Variants in OCIAD1 observed in about 807,000 individuals in gnomAD.
The protein encoded by OCIAD1 is OCIA domain containing 1.
A neutral mutation model predicts 38.9 loss-of-function variants in OCIAD1; 29 were observed. The ratio of observed to expected loss-of-function variants is 0.74; its 90% confidence interval spans 0.55 to 1.02. The LOEUF is 1.02. Among genes scored for constraint, OCIAD1 ranks in the 50% least tolerant of loss-of-function variants. OCIAD1 has a pLI of 0.00. For synonymous variants in OCIAD1, 110 were observed against 92.0 expected (o/e 1.20, Z -1.12); for missense variants, 288 against 289.6 (o/e 0.99, Z 0.04).
chr4:48,838,878 A>C (rs1453662273), intron 3 of OCIAD1, among the ~76,000 whole-genome samples: 1 of 152,210 alleles, frequency 6.6e-6, no homozygotes, highest in Non-Finnish European at 1.5e-5. Flanking sequence ...AATCTGAAAT[A>C]TAACTATGAA....
chr4:48,838,779 T>G (rs1778246849), intron 3 of OCIAD1, among the ~76,000 whole-genome samples: 2 of 152,236 alleles, frequency 1.3e-5, no homozygotes, highest in East Asian at 3.8e-4. Context: ...GTTAAAATAC[T>G]TATCCTCTTC....
chr4:48,835,916 A>G (rs2109525889), intron 3 of OCIAD1, among the ~76,000 whole-genome samples: 1 of 152,344 alleles, frequency 6.6e-6, no homozygotes, highest in Middle Eastern at 3.4e-3. Flanking sequence ...GGAGTAGTGA[A>G]CAAAGGCAGA....
intron 1 of OCIAD1, among the ~76,000 whole-genome samples, chr4:48,816,188 G>A (rs1272837073): frequency 6.6e-6 from 1 of 152,046 alleles, no homozygotes; most frequent in Middle Eastern, 3.2e-3. Flanking sequence ...CTCTCTCTCT[G>A]TTTAGACATT....
At chr4:48,820,937 C>G (rs1408063257) in intron 1 of OCIAD1, among the ~76,000 whole-genome samples, 5 of 152,084 alleles carry the variant, frequency 3.3e-5, no homozygotes, top group Admixed American at 2.6e-4. Flanking sequence ...AAGCCCAGGA[C>G]CAGACGAATT....
At chr4:48,818,500 A>G (rs532143472) in intron 1 of OCIAD1, among the ~76,000 whole-genome samples, 4 of 152,308 alleles carry the variant, frequency 2.6e-5, no homozygotes, top group African/African-American at 9.6e-5. Context: ...AATTCCAAAA[A>G]CCAGAAGGCC....
intron 1 of OCIAD1, among the ~76,000 whole-genome samples, chr4:48,811,529 A>T (rs1027899368): frequency 2.0e-5 from 3 of 152,204 alleles, no homozygotes; most frequent in African/African-American, 7.2e-5. Context: ...GGCTCTATGT[A>T]ATTGCTCTCA....
chr4:48,842,579 C>T, intron 3 of OCIAD1, 57 bp from the exon 4 acceptor site: 4 of 1,140,874 alleles, frequency 3.5e-6, no homozygotes, highest in Non-Finnish European at 5.2e-6. Context: ...ATCTAATGAA[C>T]TTTAGACAAA....
intron 4 of OCIAD1, among the ~76,000 whole-genome samples, chr4:48,843,724 A>ACAT (rs1778734748): frequency 6.6e-6 from 1 of 152,182 alleles, no homozygotes; most frequent in South Asian, 2.1e-4. Context: ...AACAACAACA[A>ACAT]CAACAAAACA....
At chr4:48,819,386 C>T (rs569055685) in intron 1 of OCIAD1, among the ~76,000 whole-genome samples, 1 of 152,246 alleles carries the variant, frequency 6.6e-6, no homozygotes, top group East Asian at 1.9e-4. Context: ...CTTACAAGAG[C>T]TCCTGAAGGA....
intron 1 of OCIAD1, among the ~76,000 whole-genome samples, chr4:48,821,094 CA>C (rs1183329062): frequency 6.6e-6 from 1 of 152,052 alleles, no homozygotes; most frequent in African/African-American, 2.4e-5. Flanking sequence ...AGAGACACAA[CA>C]AAAAAAGAAA....
chr4:48,839,281 C>CA (rs1438575087), intron 3 of OCIAD1, among the ~76,000 whole-genome samples: 1 of 151,982 alleles, frequency 6.6e-6, no homozygotes, highest in Non-Finnish European at 1.5e-5. Flanking sequence ...ACTAAAAATA[C>CA]AAAAATTAGC....
At chr4:48,831,444 G>A (rs1777481370) in intron 1 of OCIAD1, 195 bp downstream of exon 1, 2 of 1,253,292 alleles carry the variant, frequency 1.6e-6, no homozygotes. Context: ...GTGAGCTGGG[G>A]AAGTTCGTGG....
chr4:48,828,808 G>A (rs751683225), upstream of OCIAD1, among the ~76,000 whole-genome samples: 1 of 152,162 alleles, frequency 6.6e-6, no homozygotes, highest in African/African-American at 2.4e-5. Context: ...GAACTGTAAC[G>A]CTCACCGTGA....
intron 4 of OCIAD1, among the ~76,000 whole-genome samples, chr4:48,844,487 G>A (rs1472161727): frequency 3.9e-5 from 6 of 151,944 alleles, no homozygotes; most frequent in Non-Finnish European, 7.4e-5. Context: ...GTGGTCGTGC[G>A]TGCCTGTAGT....
chr4:48,823,378 C>T (rs1302306001), intron 1 of OCIAD1, among the ~76,000 whole-genome samples: 3 of 150,384 alleles, frequency 2.0e-5, no homozygotes, highest in Non-Finnish European at 3.0e-5. Context: ...CATCACACAC[C>T]GGGACCTGTT....
rs374075848 is a variant in OCIAD1, at chr4:48,851,874, C to T, written c.446C>T (p.Ala149Val). 1.2e-6 allele frequency: 2 copies of T among 1,613,312 alleles called. No individual in the cohort carries two copies. The highest frequency in any genetic ancestry group is 1.7e-6 in the Non-Finnish European group (2 of 1,179,484). Reference sequence around the variant, plus strand: ...CAATCATCTTTTGTGACATCCCCAGCAGCAGACAACATAGAAATGCTTCCT... The same window carrying T: ...CAATCATCTTTTGTGACATCCCCAGTAGCAGACAACATAGAAATGCTTCCT... ...SGQSSFVTSP[A>V]ADNIEMLPHY... The change falls in exon 7 of 9, where the codon GCA becomes GTA. Residue 149 changes from alanine to valine, a missense_variant. By Grantham distance (64) the Ala-to-Val change is moderately conservative. Transcript: ENST00000264312.
upstream of OCIAD1, chr4:48,830,982 G>A (rs1394643516): frequency 6.2e-6 from 1 of 162,352 alleles, no homozygotes; most frequent in African/African-American, 2.4e-5. Flanking sequence ...AAAGGGACGA[G>A]TATACGCATG....
intron 1 of OCIAD1, among the ~76,000 whole-genome samples, chr4:48,806,111 A>G (rs1777021088): frequency 1.3e-5 from 2 of 152,278 alleles, no homozygotes; most frequent in South Asian, 4.1e-4. Context: ...TACTAAAAAT[A>G]CAAAAATTAG....
chr4:48,848,428 TCCATC>T lies in OCIAD1; in HGVS notation c.226_230del (p.Ile76Ter). ...ACTTTCAAGTCATCCCAAATATGGT[TCCATC>T]CCTAAACTTATACGTAAGTATGAAC... On this transcript the variant is annotated frameshift_variant, in exon 5 of 9. Coordinates refer to ENST00000264312, the MANE Select transcript of OCIAD1 (RefSeq NM_017830.4). LOFTEE classifies it high-confidence loss of function. 6.7e-7 allele frequency: 1 copy of T among 1,502,106 alleles called. No individual in the cohort carries two copies. The highest frequency in any genetic ancestry group is 9.2e-7 in the Non-Finnish European group (1 of 1,084,070). The allele number at this position is 1,502,106 out of a possible 1,614,324, so 93.0% of individuals were successfully genotyped here.
Sources: allele counts gnomAD v4.1 joint callset (sites outside exome capture counted in the v4.1 genomes callset), GRCh38; gene constraint gnomAD v4.1.1; transcripts MANE v1.5; gene names NCBI Gene and HGNC (gene_info 2026-07-23, HGNC 2026-07-21).